REC8: variants seen among roughly 807,000 people sequenced by gnomAD.
REC8 encodes meiotic recombination protein REC8 homolog.
Under a neutral mutation model 78.3 loss-of-function variants are expected in REC8, and 42 were observed. That is an observed-to-expected ratio of 0.54 (90% confidence interval 0.42 to 0.69). REC8 has a LOEUF of 0.69. Ranked by LOEUF, REC8 falls within the 30% of genes least tolerant of loss-of-function variation. The pLI, the probability that REC8 is intolerant of heterozygous loss-of-function variation, is 0.00. For synonymous variants in REC8, 268 were observed against 274.1 expected (o/e 0.98, Z 0.22); for missense variants, 581 against 715.8 (o/e 0.81, Z 2.15).
chr14:24,177,235 G>T lies in REC8; in HGVS notation c.706+13G>T, dbSNP rs201867056. The T allele has an allele frequency of 6.2e-7, 1 of 1,613,456 alleles. No homozygotes were observed. The highest frequency in any genetic ancestry group is 8.5e-7 in the Non-Finnish European group (1 of 1,179,398). On this transcript the variant is annotated intron_variant, in intron 8 of 18. Coordinates refer to ENST00000611366, the MANE Select transcript of REC8 (RefSeq NM_001048205.2). ...ATCTTGTTAGAAAGTAGGTGTCTCC[G>T]GCAGCGTAGGGCCCGCCTGGAGCTG...
chr14:24,180,531 T>C, downstream of REC8: 2 of 1,614,112 alleles, frequency 1.2e-6, no homozygotes, highest in Non-Finnish European at 1.7e-6. Flanking sequence ...GTGTGCTGTT[T>C]GGCCAGGAAC....
At chr14:24,174,781 C>G (rs749121464) in intron 5 of REC8, among the ~76,000 whole-genome samples, 1 of 152,152 alleles carries the variant, frequency 6.6e-6, no homozygotes, top group African/African-American at 2.4e-5. Flanking sequence ...GGCTCAAATG[C>G]TGCCCTTCTC....
intron 14 of REC8, 27 bp downstream of exon 14, chr14:24,178,943 C>T (rs149320781): frequency 8.0e-4 from 1,283 of 1,611,164 alleles, no homozygotes; most frequent in Non-Finnish European, 9.9e-4. Flanking sequence ...TTTACTGCAT[C>T]GCCCCAGTGC....
At chr14:24,179,215 T>C (rs2138797764) in intron 15 of REC8, 82 bp downstream of exon 15, 1 of 1,327,308 alleles carries the variant, frequency 7.5e-7, no homozygotes, top group East Asian at 2.4e-5. Context: ...GCTGAAGCTG[T>C]TTTATGAGTG....
Position 24,173,286 on chromosome 14 carries a change from C to T in REC8, c.342-5C>T, listed in dbSNP as rs750537231. 4.3e-6 allele frequency: 7 copies of T among 1,614,214 alleles called. No individual in the cohort carries two copies. The highest frequency in any genetic ancestry group is 5.9e-6 in the Non-Finnish European group (7 of 1,180,032). ...CAGTCCTTCACGGCCTACATTCTCT[C>T]CCAGACCCAGCCTGCTGCTTCCTAA... On this transcript the variant is annotated splice_polypyrimidine_tract_variant and splice_region_variant and intron_variant, in intron 4 of 18. Transcript: ENST00000611366.
At position 24,173,276 on chromosome 14, in the gene REC8, T is replaced by G; in HGVS notation, c.342-15T>G. On this transcript the variant is annotated splice_polypyrimidine_tract_variant and intron_variant, in intron 4 of 18. Coordinates refer to ENST00000611366, the MANE Select transcript of REC8 (RefSeq NM_001048205.2). ...GGCTCAGCCTCAGTCCTTCACGGCC[T>G]ACATTCTCTCCCAGACCCAGCCTGC... is the stretch of plus-strand genomic sequence containing the variant. The G allele has an allele frequency of 6.2e-7, 1 of 1,614,192 alleles. No homozygotes were observed. The highest frequency in any genetic ancestry group is 8.5e-7 in the Non-Finnish European group (1 of 1,180,002).
At position 24,173,125 on chromosome 14, in the gene REC8, G is replaced by A; in HGVS notation, c.269-1G>A. ...GTCTACCTCGTCCTCCCTGCCCACAGAGGACATCCAGCACATCTTGGAGCG... is the reference window on the plus strand; with the variant it reads ...GTCTACCTCGTCCTCCCTGCCCACAAAGGACATCCAGCACATCTTGGAGCG... On this transcript the variant is annotated splice_acceptor_variant, in intron 3 of 18. Transcript: ENST00000611366. LOFTEE classifies it high-confidence loss of function. 1 of 1,614,020 alleles carries A rather than the reference G, an allele frequency of 6.2e-7. No individual in the cohort carries two copies. The highest frequency in any genetic ancestry group is 8.5e-7 in the Non-Finnish European group (1 of 1,180,046).
intron 11 of REC8, 151 bp from the exon 12 acceptor site, chr14:24,177,940 G>A (rs1298327572): frequency 6.6e-7 from 1 of 1,505,308 alleles, no homozygotes; most frequent in East Asian, 2.3e-5. Flanking sequence ...CCTTATGCAA[G>A]GTATGAGCTG....
At position 24,178,164 on chromosome 14, in the gene REC8, A is replaced by G. The variant is rs751095408; in HGVS notation, c.938A>G (p.Gln313Arg). 26 of 1,613,966 alleles carry G rather than the reference A, an allele frequency of 1.6e-5. No individual in the cohort carries two copies. The highest frequency in any genetic ancestry group is 2.2e-5 in the Non-Finnish European group (26 of 1,179,974). Residue 313 changes from glutamine (Q) to arginine (R), a missense_variant, in exon 12 of 19, where the codon CAG (glutamine) becomes CGG (arginine). Coordinates refer to ENST00000611366, the MANE Select transcript of REC8 (RefSeq NM_001048205.2). ...RRLLFWDKETQISPEKFQEQL... is the reference protein window; with the variant it reads ...RRLLFWDKETRISPEKFQEQL... ...TTACTGTTCTGGGACAAGGAGACTC[A>G]GATCTCCCCGGAGAAATTCCAGGAA...
chr14:24,179,584 T>A lies in REC8; in HGVS notation c.1320-11T>A, dbSNP rs368517652. On this transcript the variant is annotated splice_polypyrimidine_tract_variant and intron_variant, in intron 16 of 18. Coordinates refer to ENST00000611366, the MANE Select transcript of REC8 (RefSeq NM_001048205.2). ...AGCTGCCACCTTCCCTACTCTCTCATGTCCTCCTAGGGCCTGGCCTGAGGT... is the reference window on the plus strand; with the variant it reads ...AGCTGCCACCTTCCCTACTCTCTCAAGTCCTCCTAGGGCCTGGCCTGAGGT... The A allele has an allele frequency of 6.2e-7, 1 of 1,614,126 alleles. No individual in the cohort carries two copies. The highest frequency in any genetic ancestry group is 2.2e-5 in the East Asian group (1 of 44,880).
At chr14:24,173,478 C>CTT in intron 5 of REC8, 67 bp downstream of exon 5, 1 of 1,592,968 alleles carries the variant, frequency 6.3e-7, no homozygotes, top group Non-Finnish European at 8.6e-7. Flanking sequence ...CTGTGTCACT[C>CTT]TGACATTGGG....
In REC8 at chr14:24,172,380, G is replaced by C. The variant is rs1028075325; in HGVS notation, c.-173G>C. 6.5e-6 allele frequency: 4 copies of C among 619,564 alleles called. No homozygotes were observed. The African/African-American group carries it at 7.4e-5, about 11-fold the overall frequency. 38.4% of individuals were successfully genotyped at this position (619,564 alleles called of 1,614,324 possible). ...CAGTTATCCTGGTAATTGTGTATCT[G>C]CCCATTGTTCGTTGCCTCATTAACT... On this transcript the variant is annotated 5_prime_UTR_variant, in exon 1 of 19. Coordinates refer to ENST00000611366, the MANE Select transcript of REC8 (RefSeq NM_001048205.2).
chr14:24,174,180 C>T (rs1337259822), intron 5 of REC8, among the ~76,000 whole-genome samples: 4 of 152,058 alleles, frequency 2.6e-5, no homozygotes, highest in Non-Finnish European at 4.4e-5. Flanking sequence ...TTTAGGGTTT[C>T]GCCTTATCGG....
chr14:24,179,157 A>C (rs1009907710), intron 15 of REC8, 24 bp downstream of exon 15: 4 of 1,552,210 alleles, frequency 2.6e-6, no homozygotes, highest in Non-Finnish European at 3.5e-6. Flanking sequence ...GAAGAGGCGC[A>C]GTGGGACCAC....
intron 5 of REC8, among the ~76,000 whole-genome samples, chr14:24,174,630 G>A (rs188807741): frequency 2.6e-5 from 4 of 152,262 alleles, no homozygotes; most frequent in Admixed American, 2.6e-4. Flanking sequence ...AGTCCTCTGG[G>A]CATCTGTGGC....
At chr14:24,180,453 C>T, downstream of REC8, 1 of 1,611,308 alleles carries the variant, frequency 6.2e-7, no homozygotes, top group Non-Finnish European at 8.5e-7. Flanking sequence ...TAGGAGAGGC[C>T]CAGTACAGCC....
chr14:24,176,919 CAG>C lies in REC8; in HGVS notation c.624+19_624+20del, dbSNP rs1455772425. 6.2e-7 allele frequency: 1 copy of C among 1,603,234 alleles called. No individual in the cohort carries two copies. The highest frequency in any genetic ancestry group is 1.3e-5 in the African/African-American group (1 of 74,658). ...AGATTGAGGTGAGTTCCCCTGCACA[CAG>C]GGCCTGAGGTCCAGCCCCCTTGCAT... On this transcript the variant is annotated intron_variant, in intron 7 of 18. Coordinates refer to ENST00000611366, the MANE Select transcript of REC8 (RefSeq NM_001048205.2).
intron 10 of REC8, 72 bp downstream of exon 10, chr14:24,177,613 C>A (rs1594421277): frequency 6.3e-7 from 1 of 1,578,042 alleles, no homozygotes; most frequent in Non-Finnish European, 8.6e-7. Flanking sequence ...GGCTTTATAT[C>A]CCAACTTGCT....
At chr14:24,176,786 G>T (rs557213437) in intron 6 of REC8, 36 bp from the exon 7 acceptor site, 1 of 1,541,942 alleles carries the variant, frequency 6.5e-7, no homozygotes, top group East Asian at 2.3e-5. Flanking sequence ...AATTTGGAAA[G>T]AAGCAGAGAG....
Sources: gnomAD v4.1 joint callset for allele counts (sites outside exome capture counted in the v4.1 genomes callset) on GRCh38, gnomAD v4.1.1 for gene constraint, MANE v1.5 for transcripts, NCBI Gene and HGNC (gene_info 2026-07-23, HGNC 2026-07-21) for gene names.